The following ANKS1B variants were observed in gnomAD, a reference collection of about 807,000 sequenced individuals.
The protein encoded by ANKS1B is ankyrin repeat and sterile alpha motif domain-containing protein 1B.
A neutral mutation model predicts 148.3 loss-of-function variants in ANKS1B; 36 were observed. The ratio of observed to expected loss-of-function variants is 0.24; its 90% CI spans 0.19 to 0.32. ANKS1B has a LOEUF of 0.32. Ranked by LOEUF, ANKS1B falls within the 10% of genes least tolerant of loss-of-function variation. The pLI is 1.00. For missense variants in ANKS1B, 1,157 were observed against 1,542.6 expected, an observed-to-expected ratio of 0.75 and a Z score of 4.19; for synonymous variants, 542 against 560.8, an observed-to-expected ratio of 0.97 and a Z score of 0.47.
At chr12:99,907,656 C>T (rs1483612492) in intron 1 of ANKS1B, among the ~76,000 whole-genome samples, 1 of 152,052 alleles carries the variant, frequency 6.6e-6, no homozygotes, top group African/African-American at 2.4e-5. Flanking sequence ...AAAGTGATAG[C>T]AGTTAAAATG....
intron 8 of ANKS1B, among the ~76,000 whole-genome samples, chr12:99,751,433 G>C (rs1005696556): frequency 6.6e-6 from 1 of 151,924 alleles, no homozygotes; most frequent in Non-Finnish European, 1.5e-5. Context: ...GAATGGTCCC[G>C]CCAGCATAGC....
intron 5 of ANKS1B, 68 bp downstream of exon 5, chr12:99,781,954 C>A: frequency 7.3e-7 from 1 of 1,364,828 alleles, no homozygotes; most frequent in East Asian, 2.5e-5. Context: ...TGTCATTTTC[C>A]TTTGTCTATT....
intron 17 of ANKS1B, among the ~76,000 whole-genome samples, chr12:98,940,151 G>A (rs1291511335): frequency 6.6e-6 from 1 of 152,132 alleles, no homozygotes; most frequent in East Asian, 1.9e-4. Flanking sequence ...GGTCCCATGG[G>A]GTCCACTGGC....
At chr12:99,158,612 C>T (rs889499637) in intron 14 of ANKS1B, among the ~76,000 whole-genome samples, 2 of 152,150 alleles carry the variant, frequency 1.3e-5, no homozygotes, top group Admixed American at 1.3e-4. Context: ...AAACCAAAAA[C>T]AATGCCAACA....
chr12:99,151,833 T>C (rs2075003879), intron 15 of ANKS1B, among the ~76,000 whole-genome samples: 1 of 152,206 alleles, frequency 6.6e-6, no homozygotes, highest in Admixed American at 6.5e-5. Flanking sequence ...TATGCATGGA[T>C]GCACTATGAT....
chr12:99,976,047 C>T (rs957969523), intron 1 of ANKS1B, among the ~76,000 whole-genome samples: 3 of 152,140 alleles, frequency 2.0e-5, no homozygotes, highest in African/African-American at 7.2e-5. Context: ...TCCTCTGCAG[C>T]AACATGGATG....
intron 12 of ANKS1B, among the ~76,000 whole-genome samples, chr12:99,270,841 A>G (rs1490885339): frequency 6.6e-6 from 1 of 152,242 alleles, no homozygotes; most frequent in African/African-American, 2.4e-5. Context: ...TCAAAAAAGA[A>G]TATTTTAATT....
intron 9 of ANKS1B, among the ~76,000 whole-genome samples, chr12:99,602,415 C>T (rs2097808973): frequency 6.6e-6 from 1 of 152,012 alleles, no homozygotes; most frequent in Admixed American, 6.6e-5. Context: ...TAACAATAGT[C>T]ATTTCTATAA....
At chr12:99,503,921 A>T (rs1239169768) in intron 10 of ANKS1B, among the ~76,000 whole-genome samples, 1 of 152,162 alleles carries the variant, frequency 6.6e-6, no homozygotes, top group Non-Finnish European at 1.5e-5. Flanking sequence ...CTATAATGGT[A>T]GTCAAAAATC....
intron 11 of ANKS1B, among the ~76,000 whole-genome samples, chr12:99,415,692 CCTT>C (rs1406204721): frequency 6.6e-6 from 1 of 151,934 alleles, no homozygotes; most frequent in African/African-American, 2.4e-5. Flanking sequence ...CTCCCATTGC[CCTT>C]TTTTTTGAGA....
rs192850530 is a variant in ANKS1B at position 99,308,008 on chromosome 12, A to G, written c.1757-61144T>C. Among the ~76,000 whole-genome samples the G allele has an allele frequency of 1.7e-3, 262 of 152,218 alleles. 2 individuals are homozygous for G. Among genetic ancestry groups the G allele is most frequent in the Admixed American group, 0.016 (239 of 15,258 alleles). ...CAACATCAAATAAGCCTTGTTCTCT[A>G]TCAACCTGATCTATCTTCTGCTGAT... is the stretch of plus-strand genomic sequence containing the variant. On this transcript the variant is annotated intron_variant, in intron 12 of 26. Transcript: ENST00000683438.
intron 16 of ANKS1B, among the ~76,000 whole-genome samples, chr12:99,054,432 T>C (rs2099968247): frequency 6.6e-6 from 1 of 152,224 alleles, no homozygotes; most frequent in South Asian, 2.1e-4. Flanking sequence ...TGCATGGTTC[T>C]CATTTTTGAG....
chr12:98,948,947 C>CTTTTTTTTTTTTTTTTTTTTTTTT lies in ANKS1B; in HGVS notation c.2778+104209_2778+104210insAAAAAAAAAAAAAAAAAAAAAAAA, dbSNP rs869145338. ...AGGGGTGAGATATGAGCATGAGCTA[C>CTTTTTTTTTTTTTTTTTTTTTTTT]TTTTTTTTTTTTTTTTTTTTTTTGA... On this transcript the variant is annotated intron_variant, in intron 17 of 26. Coordinates refer to ENST00000683438, the MANE Select transcript of ANKS1B (RefSeq NM_001352186.2). Among the ~76,000 whole-genome samples the CTTTTTTTTTTTTTTTTTTTTTTTT allele has an allele frequency of 3.3e-4, 28 of 84,860 alleles. 6 individuals are homozygous for CTTTTTTTTTTTTTTTTTTTTTTTT. The highest frequency in any genetic ancestry group is 6.8e-4 in the African/African-American group (10 of 14,734). The allele number at this position is 84,860 out of a possible 152,430, so 55.7% of individuals were successfully genotyped here.
At chr12:98,936,420 A>T (rs1261559842) in intron 17 of ANKS1B, among the ~76,000 whole-genome samples, 1 of 152,112 alleles carries the variant, frequency 6.6e-6, no homozygotes, top group East Asian at 1.9e-4. Context: ...TGAGGTCAAG[A>T]GGTTGAGACC....
chr12:99,937,551 T>C (rs990999498), intron 1 of ANKS1B, among the ~76,000 whole-genome samples: 2 of 152,108 alleles, frequency 1.3e-5, no homozygotes, highest in African/African-American at 4.8e-5. Context: ...GCAATGCTGA[T>C]AGACAAAGAA....
chr12:99,842,445 C>T (rs2085896655), intron 1 of ANKS1B, among the ~76,000 whole-genome samples: 1 of 152,104 alleles, frequency 6.6e-6, no homozygotes, highest in Non-Finnish European at 1.5e-5. Flanking sequence ...CATCTGTGTA[C>T]TTCCTTGTAA....
chr12:99,497,521 T>G (rs1428118402), intron 10 of ANKS1B, among the ~76,000 whole-genome samples: 1 of 152,126 alleles, frequency 6.6e-6, no homozygotes, highest in Non-Finnish European at 1.5e-5. Context: ...CAGGCCTCCT[T>G]GGTTTGCGAA....
At position 99,581,992 on chromosome 12, in the gene ANKS1B, T is replaced by C. The variant is rs972812630; in HGVS notation, c.1272+73075A>G. Among the ~76,000 whole-genome samples the C allele has an allele frequency of 5.3e-5, 8 of 150,534 alleles. No individual in the cohort carries two copies. The South Asian group carries it at 6.3e-4, about 12-fold the overall frequency. ...GATAAAACACTTGTATCAAAACACA[T>C]AAAGAATTCTTACAACTCAATAATA... On this transcript the variant is annotated intron_variant, in intron 9 of 26. Transcript: ENST00000683438.
intron 16 of ANKS1B, among the ~76,000 whole-genome samples, chr12:99,067,610 G>T (rs1003176006): frequency 1.1e-4 from 16 of 152,170 alleles, no homozygotes; most frequent in African/African-American, 3.9e-4. Flanking sequence ...GTGCACATGT[G>T]ACAGGAGACA....
Sources: allele counts gnomAD v4.1 joint callset (sites outside exome capture counted in the v4.1 genomes callset), GRCh38; gene constraint gnomAD v4.1.1; transcripts MANE v1.5; gene names NCBI Gene and HGNC (gene_info 2026-07-23, HGNC 2026-07-21).